PPFIA2: variants seen among roughly 807,000 people sequenced by gnomAD.
The protein encoded by PPFIA2 is liprin-alpha-2.
Under a neutral mutation model 175.5 loss-of-function variants are expected in PPFIA2, and 46 were observed. The ratio of observed to expected loss-of-function variants is 0.26; its 90% CI spans 0.21 to 0.34. The LOEUF is 0.34. PPFIA2 is among the 10% of genes least tolerant of loss of function. The probability of loss-of-function intolerance (pLI) is 1.00; values close to 1 mark genes in which losing one functional copy is unlikely to be tolerated. For synonymous variants in PPFIA2, 568 were observed against 511.4 expected (o/e 1.11, Z -1.49); for missense variants, 1,179 against 1,506.1 (o/e 0.78, Z 3.60).
chr12:81,731,780 G>A (rs2080945232), intron 3 of PPFIA2, among the ~76,000 whole-genome samples: 1 of 151,528 alleles, frequency 6.6e-6, no homozygotes, highest in South Asian at 2.1e-4. Context: ...ATCTGTAAAA[G>A]GGGAATAATA....
chr12:81,380,191 C>T (rs1288043310), intron 9 of PPFIA2, among the ~76,000 whole-genome samples: 1 of 151,932 alleles, frequency 6.6e-6, no homozygotes, highest in Non-Finnish European at 1.5e-5. Context: ...ATAGTGGGAC[C>T]CTTTCTCTAC....
chr12:81,674,582 C>T (rs1364036730), intron 4 of PPFIA2, among the ~76,000 whole-genome samples: 1 of 151,912 alleles, frequency 6.6e-6, no homozygotes, highest in Admixed American at 6.6e-5. Context: ...GCAGGAGAAC[C>T]CTTTGAACCC....
At chr12:81,368,269 C>A in intron 13 of PPFIA2, 1 of 745,598 alleles carries the variant, frequency 1.3e-6, no homozygotes, top group Non-Finnish European at 2.0e-6. Context: ...AAACCCTCTA[C>A]TGGGATTGAT....
chr12:81,726,537 C>T (rs955546613), intron 3 of PPFIA2, among the ~76,000 whole-genome samples: 3 of 151,230 alleles, frequency 2.0e-5, no homozygotes, highest in African/African-American at 4.8e-5. Flanking sequence ...ATATGCTAGA[C>T]CCTGTATAAG....
chr12:81,539,953 C>A (rs753838397), intron 4 of PPFIA2, among the ~76,000 whole-genome samples: 20 of 152,036 alleles, frequency 1.3e-4, no homozygotes, highest in Middle Eastern at 6.8e-3. Context: ...ATTAAAGAAA[C>A]TCAAATTTAA....
At chr12:81,302,714 A>C (rs1356146345) in intron 22 of PPFIA2, 1 of 452,756 alleles carries the variant, frequency 2.2e-6, no homozygotes, top group Non-Finnish European at 4.4e-6. Context: ...AGAAGTAACA[A>C]TTATTTAAAA....
intron 4 of PPFIA2, among the ~76,000 whole-genome samples, chr12:81,498,326 A>G (rs2060242487): frequency 6.6e-6 from 1 of 152,222 alleles, no homozygotes; most frequent in East Asian, 1.9e-4. Context: ...CCAGGATCCA[A>G]TTCAGGATAC....
intron 7 of PPFIA2, among the ~76,000 whole-genome samples, chr12:81,419,800 A>G (rs1566747165): frequency 6.6e-6 from 1 of 152,142 alleles, no homozygotes; most frequent in Non-Finnish European, 1.5e-5. Flanking sequence ...GTGCATTTGC[A>G]TCCATATCCA....
At chr12:81,321,192 T>TAACAAATA (rs2053580295) in intron 22 of PPFIA2, among the ~76,000 whole-genome samples, 1 of 152,044 alleles carries the variant, frequency 6.6e-6, no homozygotes, top group African/African-American at 2.4e-5. Context: ...TTTTAACCAA[T>TAACAAATA]AGTTATATGT....
chr12:81,397,371 T>C (rs962425802), intron 8 of PPFIA2, among the ~76,000 whole-genome samples: 3 of 151,842 alleles, frequency 2.0e-5, no homozygotes, highest in African/African-American at 4.8e-5. Flanking sequence ...GGGAGGAAAA[T>C]AGATGGAGAT....
chr12:81,513,168 T>C (rs1180683400), intron 4 of PPFIA2, among the ~76,000 whole-genome samples: 2 of 151,988 alleles, frequency 1.3e-5, no homozygotes, highest in African/African-American at 2.4e-5. Context: ...TCACTAATTA[T>C]CAGGGAAACG....
chr12:81,267,002 T>C lies in PPFIA2; in HGVS notation c.3505A>G (p.Arg1169Gly). 1 of 1,613,002 alleles carries C rather than the reference T, an allele frequency of 6.2e-7. No individual in the cohort carries two copies. Among genetic ancestry groups the C allele is most frequent in the Non-Finnish European group, 8.5e-7 (1 of 1,179,240 alleles). Residue 1169 changes from arginine (R) to glycine (G), a missense_variant, in exon 30 of 33, where the codon AGA (arginine) becomes GGA (glycine). By Grantham distance (125) the Arg-to-Gly change is moderately radical (BLOSUM62 -2). This residue lies in a region of PPFIA2 where 245 missense variants were observed against 375.1 expected (regional missense o/e 0.65). Transcript: ENST00000549396. ...AGGGCCAAGAGGTTATTGTATTCTCTTTCAAGAATCTGCCTTGCCTGTTGA... is the reference window on the plus strand; with the variant it reads ...AGGGCCAAGAGGTTATTGTATTCTCCTTCAAGAATCTGCCTTGCCTGTTGA... ...QNTQARQILE[R>G]EYNNLLALGT...
At position 81,534,214 on chromosome 12, in the gene PPFIA2, C is replaced by T. The variant is rs559769194; in HGVS notation, c.304-76348G>A. Among the ~76,000 whole-genome samples the T allele has an allele frequency of 2.0e-5, 3 of 151,442 alleles. No homozygotes were observed. In the East Asian group the frequency reaches 5.8e-4, roughly 29 times the overall value. Reference sequence around the variant, plus strand: ...ATAAAGAGAGGTTGATTAATGGGTACAAACATAGAGGTAGATAGAAGGAAT... The same window carrying T: ...ATAAAGAGAGGTTGATTAATGGGTATAAACATAGAGGTAGATAGAAGGAAT... On this transcript the variant is annotated intron_variant, in intron 4 of 32. Transcript: ENST00000549396.
chr12:81,274,369 G>A lies in PPFIA2; in HGVS notation c.3310+2948C>T, dbSNP rs184810006. On this transcript the variant is annotated intron_variant, in intron 28 of 32. Transcript: ENST00000549396. ...ATAGTCTAAGACATATTATGTGGTC[G>A]TGATATTTCTGCAAATATGTGCCCA... 5.2e-3 allele frequency among the ~76,000 whole-genome samples: 793 copies of A among 152,186 alleles called. 3 individuals carry two copies. Among genetic ancestry groups the A allele is most frequent in the Admixed American group, 0.011 (166 of 15,280 alleles).
At chr12:81,346,522 A>G (rs2059097427) in intron 18 of PPFIA2, among the ~76,000 whole-genome samples, 1 of 149,352 alleles carries the variant, frequency 6.7e-6, no homozygotes, top group Non-Finnish European at 1.5e-5. Flanking sequence ...ACATATTAAT[A>G]TATTTTTATA....
chr12:81,686,075 G>T (rs2074381915), intron 3 of PPFIA2, among the ~76,000 whole-genome samples: 1 of 152,026 alleles, frequency 6.6e-6, no homozygotes, highest in African/African-American at 2.4e-5. Context: ...ATGCTCTCTT[G>T]AATGAATTGA....
At chr12:81,681,028 G>A (rs560475650) in intron 3 of PPFIA2, among the ~76,000 whole-genome samples, 17 of 152,028 alleles carry the variant, frequency 1.1e-4, no homozygotes, top group Admixed American at 1.0e-3. Flanking sequence ...AACAATGGTA[G>A]CCTTCTTTAT....
intron 2 of PPFIA2, among the ~76,000 whole-genome samples, chr12:81,757,430 TATC>T (rs1466059085): frequency 6.6e-6 from 1 of 152,230 alleles, no homozygotes; most frequent in Non-Finnish European, 1.5e-5. Context: ...TAAATTATGT[TATC>T]TTCATCTAGA....
chr12:81,735,635 C>A (rs375500409), intron 3 of PPFIA2, among the ~76,000 whole-genome samples: 1 of 151,398 alleles, frequency 6.6e-6, no homozygotes, highest in African/African-American at 2.4e-5. Flanking sequence ...ACTTTTAGTG[C>A]CATGTTTAAG....
Sources: allele counts gnomAD v4.1 joint callset (sites outside exome capture counted in the v4.1 genomes callset), GRCh38; gene constraint gnomAD v4.1.1; regional missense constraint gnomAD v4.1.1; transcripts MANE v1.5; gene names NCBI Gene and HGNC (gene_info 2026-07-23, HGNC 2026-07-21).